The following SIM1 variants were observed in gnomAD, a reference collection of about 807,000 sequenced individuals.
SIM1 encodes single-minded homolog 1.
SIM1 carries 18 observed loss-of-function variants against 78.2 expected under a neutral mutation model. That is an observed-to-expected ratio of 0.23 (90% CI 0.16 to 0.34). The LOEUF (loss-of-function observed/expected upper bound fraction) is 0.34, where lower values mean the gene tolerates loss of function less well. Among genes scored for constraint, SIM1 ranks in the 10% least tolerant of loss-of-function variants. The pLI, the probability that SIM1 is intolerant of heterozygous loss-of-function variation, is 1.00. For synonymous variants in SIM1, 417 were observed against 385.2 expected, an observed-to-expected ratio of 1.08 and a Z score of -0.97; for missense variants, 939 against 975.1, an observed-to-expected ratio of 0.96 and a Z score of 0.49.
At position 100,448,134 on chromosome 6, in the gene SIM1, G is replaced by T. The variant is rs772220261; in HGVS notation, c.850+12C>A. 1.3e-5 allele frequency: 21 copies of T among 1,603,992 alleles called. No homozygotes were observed. In the East Asian group the frequency reaches 4.5e-4, roughly 34 times the overall value. The stretch of plus-strand genomic sequence containing the variant: ...CAAGGTTGCTAGGGTACGGGGCAGG[G>T]TGGCGCCTTACGCAAATGGTGCGCG... On this transcript the variant is annotated intron_variant, in intron 8 of 11. Transcript: ENST00000369208.
intron 2 of SIM1, among the ~76,000 whole-genome samples, chr6:100,458,418 G>A (rs1772744460): frequency 1.3e-5 from 2 of 152,144 alleles, no homozygotes; most frequent in Admixed American, 6.5e-5. Context: ...TCGGACGATG[G>A]CACCTAACCC....
rs112151329 is a variant in SIM1, at chr6:100,450,696, T to TCACACA, written c.259-346_259-341dup. Among the ~76,000 whole-genome samples, 291 of 91,900 alleles carry TCACACA rather than the reference T, an allele frequency of 3.2e-3. 4 individuals are homozygous for TCACACA. The highest frequency in any genetic ancestry group is 4.5e-3 in the Non-Finnish European group (205 of 45,454). 60.3% of individuals were successfully genotyped at this position (91,900 alleles called of 152,430 possible). ...CTCTCTCTCTCTCTCTCTCTCTCTC[T>TCACACA]CACACACACACACACACACACACAC... On this transcript the variant is annotated intron_variant, in intron 3 of 11. Transcript: ENST00000369208.
intron 2 of SIM1, 40 bp from the exon 3 acceptor site, chr6:100,453,884 G>T (rs776158869): frequency 1.3e-6 from 2 of 1,512,058 alleles, no homozygotes; most frequent in Non-Finnish European, 1.8e-6. Flanking sequence ...ACTGAACCCG[G>T]ACCTGACAGG....
chr6:100,412,603 GAAAGA>G lies in SIM1; in HGVS notation c.1167+8182_1167+8186del, dbSNP rs1562239579. On this transcript the variant is annotated intron_variant, in intron 10 of 11. Coordinates refer to ENST00000369208, the MANE Select transcript of SIM1 (RefSeq NM_005068.3). ...AGAAAGAAAGAAAGAAAGAAAGAAA[GAAAGA>G]AAGGAAAGAAAGAAGGAAAGAAAGA... Among the ~76,000 whole-genome samples the G allele has an allele frequency of 2.4e-4, 22 of 91,912 alleles. 1 individual carries two copies. Among genetic ancestry groups the G allele is most frequent in the East Asian group, 5.5e-4 (1 of 1,812 alleles). 60.3% of individuals were successfully genotyped at this position (91,912 alleles called of 152,430 possible).
Position 100,447,260 on chromosome 6 carries a change from G to A in SIM1, c.998+8C>T. On this transcript the variant is annotated splice_region_variant and intron_variant, in intron 9 of 11. Coordinates refer to ENST00000369208, the MANE Select transcript of SIM1 (RefSeq NM_005068.3). ...GGGTGGGTGAAGGGGTCTCAGTCTT[G>A]CACTCACGTGAGGACATAGTTGACG... 7.4e-6 allele frequency: 12 copies of A among 1,614,030 alleles called. No individual in the cohort carries two copies. Among genetic ancestry groups the A allele is most frequent in the Non-Finnish European group, 9.3e-6 (11 of 1,179,934 alleles).
At chr6:100,405,764 G>A (rs1771037668) in intron 10 of SIM1, among the ~76,000 whole-genome samples, 1 of 151,924 alleles carries the variant, frequency 6.6e-6, no homozygotes, top group Non-Finnish European at 1.5e-5. Flanking sequence ...AATGTTCCTG[G>A]GATTTGGTTC....
intron 10 of SIM1, among the ~76,000 whole-genome samples, chr6:100,403,689 G>T (rs897587225): frequency 5.3e-5 from 8 of 152,104 alleles, no homozygotes; most frequent in African/African-American, 1.7e-4. Flanking sequence ...TTAGGAAAAA[G>T]GAAAAGAACT....
rs1343015485 is a variant in SIM1, at chr6:100,385,852, T to C, written c.*4509A>G. On this transcript the variant is annotated 3_prime_UTR_variant, in exon 12 of 12. Coordinates refer to ENST00000369208, the MANE Select transcript of SIM1 (RefSeq NM_005068.3). Reference sequence around the variant, plus strand: ...CCCCTATTTGGCAATGACCACACTCTCACTTTTTGAGTTAAGCACTATCTG... The same window carrying C: ...CCCCTATTTGGCAATGACCACACTCCCACTTTTTGAGTTAAGCACTATCTG... 1 of 151,974 alleles carries C rather than the reference T, an allele frequency of 6.6e-6. No individual in the cohort carries two copies. Among genetic ancestry groups the C allele is most frequent in the Non-Finnish European group, 1.5e-5 (1 of 67,898 alleles). 9.4% of individuals were successfully genotyped at this position (151,974 alleles called of 1,614,324 possible).
At chr6:100,412,742 A>AGAAAGAAG (rs1554220936) in intron 10 of SIM1, among the ~76,000 whole-genome samples, 157 of 141,728 alleles carry the variant, frequency 1.1e-3, no homozygotes, top group African/African-American at 4.0e-3. Context: ...AAAGAAAGAA[A>AGAAAGAAG]GAAAGAAAGA....
At position 100,412,410 on chromosome 6, in the gene SIM1, G is replaced by A. The variant is rs142369647; in HGVS notation, c.1167+8380C>T. On this transcript the variant is annotated intron_variant, in intron 10 of 11. Coordinates refer to ENST00000369208, the MANE Select transcript of SIM1 (RefSeq NM_005068.3). ...AAATTAGCCAGCCGTGGTGGTGGGCGCCTGTAATCCCAGATACTAGGGAGA... is the reference window on the plus strand; with the variant it reads ...AAATTAGCCAGCCGTGGTGGTGGGCACCTGTAATCCCAGATACTAGGGAGA... 3.8e-3 allele frequency among the ~76,000 whole-genome samples: 570 copies of A among 151,328 alleles called. 1 individual carries two copies. The highest frequency in any genetic ancestry group is 6.4e-3 in the Non-Finnish European group (437 of 67,842).
intron 9 of SIM1, among the ~76,000 whole-genome samples, chr6:100,434,482 G>A (rs988657995): frequency 6.6e-6 from 1 of 152,204 alleles, no homozygotes; most frequent in Non-Finnish European, 1.5e-5. Flanking sequence ...ATCAATTAAT[G>A]GGAGGTACTG....
Position 100,412,628 on chromosome 6 carries a change from GAAAGAAAGAAAAGAAAGAA to G in SIM1, c.1167+8143_1167+8161del, listed in dbSNP as rs755501715. ...GAAAGAAAGGAAAGAAAGAAGGAAA[GAAAGAAAGAAAAGAAAGAA>G]AGAAAGAAAGAGAGAGAGAGAGAGA... is the stretch of plus-strand genomic sequence containing the variant. On this transcript the variant is annotated intron_variant, in intron 10 of 11. Coordinates refer to ENST00000369208, the MANE Select transcript of SIM1 (RefSeq NM_005068.3). Among the ~76,000 whole-genome samples, 84 of 90,178 alleles carry G rather than the reference GAAAGAAAGAAAAGAAAGAA, an allele frequency of 9.3e-4. 4 individuals are homozygous for G. The highest frequency in any genetic ancestry group is 3.2e-3 in the African/African-American group (81 of 25,392). The allele number at this position is 90,178 out of a possible 152,430, so 59.2% of individuals were successfully genotyped here.
At chr6:100,449,539 C>T in intron 5 of SIM1, 52 bp downstream of exon 5, 1 of 1,593,338 alleles carries the variant, frequency 6.3e-7, no homozygotes, top group Non-Finnish European at 8.6e-7. Flanking sequence ...TGGGGAAAAA[C>T]CACAAGCGGA....
chr6:100,439,232 G>T (rs1350226108), intron 9 of SIM1, among the ~76,000 whole-genome samples: 1 of 152,184 alleles, frequency 6.6e-6, no homozygotes, highest in East Asian at 1.9e-4. Context: ...AATTTGAAGA[G>T]TGATACTAAC....
At chr6:100,448,038 C>T in intron 8 of SIM1, 108 bp downstream of exon 8, 1 of 863,328 alleles carries the variant, frequency 1.2e-6, no homozygotes, top group Non-Finnish European at 1.8e-6. Flanking sequence ...ACCCGGCTCC[C>T]TGGGCTCCCA....
intron 2 of SIM1, among the ~76,000 whole-genome samples, chr6:100,456,462 T>C (rs1034800618): frequency 3.3e-5 from 5 of 152,202 alleles, no homozygotes; most frequent in Admixed American, 2.0e-4. Flanking sequence ...GGGAACAAGA[T>C]CTAAAGATTC....
In SIM1 at chr6:100,461,727, G is replaced by A. The variant is rs1161713127; in HGVS notation, c.175+1567C>T. On this transcript the variant is annotated intron_variant, in intron 2 of 11. Transcript: ENST00000369208. ...AGATCTCTTTTTTAAATAGAAGGCAGTGTGGTATAATGGTAATTATCCCAT... is the reference window on the plus strand; with the variant it reads ...AGATCTCTTTTTTAAATAGAAGGCAATGTGGTATAATGGTAATTATCCCAT... Among the ~76,000 whole-genome samples, 7 of 152,258 alleles carry A rather than the reference G, an allele frequency of 4.6e-5. No individual in the cohort carries two copies. In the East Asian group the frequency reaches 1.4e-3, roughly 29 times the overall value.
intron 10 of SIM1, among the ~76,000 whole-genome samples, chr6:100,399,596 A>G (rs995212976): frequency 1.3e-5 from 2 of 152,122 alleles, no homozygotes; most frequent in African/African-American, 2.4e-5. Context: ...GAAACCAGAT[A>G]ATGAGTAAAT....
chr6:100,453,646 G>GA (rs1443983783), intron 3 of SIM1, 116 bp downstream of exon 3: 2 of 766,740 alleles, frequency 2.6e-6, no homozygotes, highest in African/African-American at 3.6e-5. Context: ...TGTTTTTGTG[G>GA]GGGGGGTTGT....
Sources: gnomAD v4.1 joint callset for allele counts (sites outside exome capture counted in the v4.1 genomes callset) on GRCh38, gnomAD v4.1.1 for gene constraint, MANE v1.5 for transcripts, NCBI Gene and HGNC (gene_info 2026-07-23, HGNC 2026-07-21) for gene names.